The following CHAF1A variants were observed in gnomAD, a reference collection of about 807,000 sequenced individuals.
CHAF1A encodes CAF-1 subunit A.
Under a neutral mutation model 93.2 loss-of-function variants are expected in CHAF1A, and 5 were observed. The observed-to-expected ratio is 0.05, with a 90% CI of 0.03 to 0.11. The LOEUF (loss-of-function observed/expected upper bound fraction) is 0.11, where lower values mean the gene tolerates loss of function less well. CHAF1A is among the 10% of genes least tolerant of loss of function. The probability of loss-of-function intolerance (pLI) is 1.00; values close to 1 mark genes in which losing one functional copy is unlikely to be tolerated. For missense variants in CHAF1A, 1,102 were observed against 1,259.9 expected, an observed-to-expected ratio of 0.87 and a Z score of 1.90; for synonymous variants, 504 against 510.3, an observed-to-expected ratio of 0.99 and a Z score of 0.17.
Position 4,433,507 on chromosome 19 carries a change from C to G in CHAF1A, c.2641C>G (p.Gln881Glu), listed in dbSNP as rs767113766. 6.3e-7 allele frequency: 1 copy of G among 1,586,968 alleles called. No homozygotes were observed. The highest frequency in any genetic ancestry group is 1.7e-5 in the Admixed American group (1 of 59,380). ...RKSAGSMCIT[Q>E]FMKKRRHDGQ... ...GTCAGCGGGCAGCATGTGCATCACC[C>G]AATTCATGAAGAAGCGCAGGCACGA... The change falls in exon 13 of 15, where the codon CAA (glutamine) becomes GAA (glutamate). Residue 881 changes from glutamine (Q) to glutamate (E), a missense_variant. By Grantham distance (29) the Gln-to-Glu change is conservative (BLOSUM62 2). This residue lies in a region of CHAF1A where 76 missense variants were observed against 129.8 expected (regional missense o/e 0.59). Transcript: ENST00000301280. The surrounding 1 kb of genome is among the most constrained non-coding windows in gnomAD (Gnocchi z 5.6).
At chr19:4,445,630 T>C, downstream of CHAF1A, 1 of 1,612,012 alleles carries the variant, frequency 6.2e-7, no homozygotes. Context: ...GCACCTGCGG[T>C]AGGGGTAGGC....
Position 4,442,230 on chromosome 19 carries a change from A to C in CHAF1A, c.2674-15A>C. 6.2e-7 allele frequency: 1 copy of C among 1,612,586 alleles called. No individual in the cohort carries two copies. Among genetic ancestry groups the C allele is most frequent in the Non-Finnish European group, 8.5e-7 (1 of 1,178,752 alleles). On this transcript the variant is annotated splice_polypyrimidine_tract_variant and intron_variant, in intron 13 of 14. Coordinates refer to ENST00000301280, the MANE Select transcript of CHAF1A (RefSeq NM_005483.3). Reference sequence around the variant, plus strand: ...CTGCCTGCAGTGCTGATGGCCGTGTACCCTGTCTGTCCAGATTGGTGCTGA... The same window carrying C: ...CTGCCTGCAGTGCTGATGGCCGTGTCCCCTGTCTGTCCAGATTGGTGCTGA...
intron 1 of CHAF1A, among the ~76,000 whole-genome samples, chr19:4,403,734 G>A (rs1224112930): frequency 2.6e-5 from 4 of 152,274 alleles, no homozygotes; most frequent in African/African-American, 4.8e-5. Context: ...GGCAGATTCC[G>A]CCTTGGCTGA....
At position 4,442,298 on chromosome 19, in the gene CHAF1A, G is replaced by A. The variant is rs1974406589; in HGVS notation, c.2727G>A (p.Glu909=). Residue 909 remains glutamate, a synonymous_variant, in exon 14 of 15, where the codon GAG becomes GAA. Transcript: ENST00000301280. Reference sequence around the variant, plus strand: ...AGGCAGACACGGAGGAGGAGGAAGAGGAGGAGGGCGACTGTATGATCGTGG... The same window carrying A: ...AGGCAGACACGGAGGAGGAGGAAGAAGAGGAGGGCGACTGTATGATCGTGG... ...GFQADTEEEE[E]EEGDCMIVDV... 1.9e-6 allele frequency: 3 copies of A among 1,612,550 alleles called. No individual in the cohort carries two copies. The highest frequency in any genetic ancestry group is 2.5e-6 in the Non-Finnish European group (3 of 1,179,278).
Position 4,409,297 on chromosome 19 carries a change from C to G in CHAF1A, c.498C>G (p.Asn166Lys). 6.2e-7 allele frequency: 1 copy of G among 1,614,064 alleles called. No homozygotes were observed. Among genetic ancestry groups the G allele is most frequent in the Non-Finnish European group, 8.5e-7 (1 of 1,180,000 alleles). The change falls in exon 3 of 15, where the codon AAC becomes AAG. Residue 166 changes from asparagine (N) to lysine (K), a missense_variant. This residue lies in a region of CHAF1A where 379 missense variants were observed against 365.7 expected (regional missense o/e 1.04). Coordinates refer to ENST00000301280, the MANE Select transcript of CHAF1A (RefSeq NM_005483.3). ...AGGGGTTGTTGAAGGCCATTCAGAA[C>G]GACAAGTTGGCATTTCCTGGAGAGA... Reference protein sequence around the residue: ...DQQGLLKAIQNDKLAFPGETL... With the variant: ...DQQGLLKAIQKDKLAFPGETL...
chr19:4,446,326 G>A (rs1974518101), downstream of CHAF1A: 7 of 1,574,928 alleles, frequency 4.4e-6, no homozygotes, highest in Non-Finnish European at 6.0e-6. Context: ...GCAGCAGCGT[G>A]TAGTTGTACT....
In CHAF1A at chr19:4,409,410, C is replaced by T. The variant is rs758235903; in HGVS notation, c.611C>T (p.Pro204Leu). The T allele has an allele frequency of 6.2e-7, 1 of 1,614,024 alleles. No homozygotes were observed. Among genetic ancestry groups the T allele is most frequent in the East Asian group, 2.2e-5 (1 of 44,886 alleles). ...AGAGGCGACTCCCAGGAATGTTCGCCACGGAGCTGCCCGGAGCTGACGAGT... is the reference window on the plus strand; with the variant it reads ...AGAGGCGACTCCCAGGAATGTTCGCTACGGAGCTGCCCGGAGCTGACGAGT... ...GRRGDSQECSPRSCPELTSGP... is the reference protein window; with the variant it reads ...GRRGDSQECSLRSCPELTSGP... Residue 204 changes from proline to leucine, a missense_variant, in exon 3 of 15, where the codon CCA (proline) becomes CTA (leucine). Around this residue, in one of 6 missense-constraint regions of CHAF1A, gnomAD observed 379 missense variants for 365.7 expected, o/e 1.04. Coordinates refer to ENST00000301280, the MANE Select transcript of CHAF1A (RefSeq NM_005483.3).
At chr19:4,410,823 C>G (rs181608092) in intron 3 of CHAF1A, among the ~76,000 whole-genome samples, 14 of 152,278 alleles carry the variant, frequency 9.2e-5, no homozygotes, top group African/African-American at 3.1e-4. Context: ...CGCGCTCCAG[C>G]CTGGGTGACA....
intron 2 of CHAF1A, among the ~76,000 whole-genome samples, chr19:4,407,246 CCA>C (rs1491280352): frequency 1.8e-5 from 2 of 111,900 alleles, no homozygotes; most frequent in Admixed American, 1.2e-4. Flanking sequence ...CACACCCCCC[CCA>C]AAAAAAAACA....
At chr19:4,415,112 G>T (rs1347391357) in intron 3 of CHAF1A, among the ~76,000 whole-genome samples, 1 of 152,050 alleles carries the variant, frequency 6.6e-6, no homozygotes. Flanking sequence ...CACGTTTTTG[G>T]CAGTTGAGGG....
chr19:4,442,543 G>A (rs994827828), intron 14 of CHAF1A, among the ~76,000 whole-genome samples: 2 of 152,214 alleles, frequency 1.3e-5, no homozygotes, highest in East Asian at 3.9e-4. Flanking sequence ...CGTTCTGGCC[G>A]CAGAGCCACA....
At chr19:4,405,653 C>CATTGTG (rs1199545370) in intron 1 of CHAF1A, among the ~76,000 whole-genome samples, 9 of 149,866 alleles carry the variant, frequency 6.0e-5, no homozygotes, top group Admixed American at 5.3e-4. Flanking sequence ...TATAATTCTT[C>CATTGTG]ATTGTGGTGT....
intron 13 of CHAF1A, among the ~76,000 whole-genome samples, chr19:4,440,654 T>A (rs2145152237): frequency 6.6e-6 from 1 of 151,948 alleles, no homozygotes; most frequent in East Asian, 1.9e-4. Flanking sequence ...ATTTCATGGT[T>A]GGGTGGGGCT....
intron 1 of CHAF1A, 78 bp downstream of exon 1, chr19:4,402,892 G>C: frequency 2.2e-6 from 2 of 915,982 alleles, no homozygotes; most frequent in Non-Finnish European, 2.8e-6. Context: ...ATGGGAGGCG[G>C]ACGGGCCTCC....
At chr19:4,444,495 C>CA (rs1568186455), downstream of CHAF1A, 5 of 152,458 alleles carry the variant, frequency 3.3e-5, no homozygotes, top group African/African-American at 1.2e-4. Flanking sequence ...TCCCAGTGCT[C>CA]GGAGGCGCTG....
chr19:4,430,541 C>G lies in CHAF1A; in HGVS notation c.1855-8C>G. On this transcript the variant is annotated splice_polypyrimidine_tract_variant and splice_region_variant and intron_variant, in intron 10 of 14. Transcript: ENST00000301280. ...TCTGATGAACTCTTTTTTTTTTCTC[C>G]TTTTGAGGATGATGATGACGACATG... The G allele has an allele frequency of 6.5e-7, 1 of 1,541,810 alleles. No homozygotes were observed. The highest frequency in any genetic ancestry group is 8.9e-7 in the Non-Finnish European group (1 of 1,120,038).
At position 4,410,348 on chromosome 19, in the gene CHAF1A, C is replaced by T. The variant is rs570651921; in HGVS notation, c.960+589C>T. Reference sequence around the variant, plus strand: ...GCTTGAAGATCACTTCAAAACCAACCTGGGCAACATAGACACCATCTCTAT... The same window carrying T: ...GCTTGAAGATCACTTCAAAACCAACTTGGGCAACATAGACACCATCTCTAT... On this transcript the variant is annotated intron_variant, in intron 3 of 14. Transcript: ENST00000301280. Among the ~76,000 whole-genome samples the T allele has an allele frequency of 2.6e-5, 4 of 151,478 alleles. No individual in the cohort carries two copies. In the South Asian group the frequency reaches 6.3e-4, roughly 24 times the overall value.
chr19:4,433,255 C>T lies in CHAF1A; in HGVS notation c.2389C>T (p.Arg797Trp), dbSNP rs1173297923. Reference sequence around the variant, plus strand: ...GGATGCCGCCATCCCCTCTAAGTCCCGGCTCAAGCGGCTCATTTCCGAGAA... The same window carrying T: ...GGATGCCGCCATCCCCTCTAAGTCCTGGCTCAAGCGGCTCATTTCCGAGAA... ...SEDAAIPSKS[R>W]LKRLISENSV... The change falls in exon 13 of 15, where the codon CGG (arginine) becomes TGG (tryptophan). Residue 797 changes from arginine (R) to tryptophan (W), a missense_variant. Transcript: ENST00000301280. The surrounding 1 kb of genome is among the most constrained non-coding windows in gnomAD (Gnocchi z 5.6). The T allele has an allele frequency of 1.8e-5, 29 of 1,614,110 alleles. No homozygotes were observed. The highest frequency in any genetic ancestry group is 4.5e-5 in the East Asian group (2 of 44,902).
intron 1 of CHAF1A, among the ~76,000 whole-genome samples, chr19:4,405,388 T>C (rs1411460434): frequency 1.3e-5 from 2 of 152,146 alleles, no homozygotes. Context: ...GGCGGGTGGA[T>C]CACGAGGTCA....
Sources: allele counts gnomAD v4.1 joint callset (sites outside exome capture counted in the v4.1 genomes callset), GRCh38; gene constraint gnomAD v4.1.1; regional missense constraint gnomAD v4.1.1; non-coding constraint Gnocchi (gnomAD v3.1); transcripts MANE v1.5; gene names NCBI Gene and HGNC (gene_info 2026-07-23, HGNC 2026-07-21).